Variants in MCUB observed in about 807,000 individuals in gnomAD.
MCUB encodes the protein mitochondrial calcium uniporter dominant negative subunit beta.
Under a neutral mutation model 41.4 loss-of-function variants are expected in MCUB, and 46 were observed. That is an observed-to-expected ratio of 1.11 (90% confidence interval 0.88 to 1.42). MCUB has a LOEUF of 1.42. MCUB is among the 40% of genes most tolerant of loss of function. The pLI is 0.00. For missense variants in MCUB, 403 were observed against 404.9 expected (o/e 1.00, Z 0.04); for synonymous variants, 148 against 148.2 (o/e 1.00, Z 0.01).
rs112503693 is a variant in MCUB, at chr4:109,668,950, C to T, written c.451+4556C>T. Among the ~76,000 whole-genome samples, 119 of 152,148 alleles carry T rather than the reference C, an allele frequency of 7.8e-4. 1 individual carries two copies. The South Asian group carries it at 0.01, about 13-fold the overall frequency. On this transcript the variant is annotated intron_variant, in intron 4 of 7. Coordinates refer to ENST00000394650, the MANE Select transcript of MCUB (RefSeq NM_017918.5). ...TAATCCTGATTTCTCCCTCATGCCC[C>T]TTGTCTCACGGCTGTCATTCATTTC...
intron 1 of MCUB, among the ~76,000 whole-genome samples, chr4:109,603,205 C>G (rs371321106): frequency 1.3e-5 from 2 of 152,196 alleles, no homozygotes; most frequent in South Asian, 2.1e-4. Context: ...GCCTGATTCT[C>G]CTGCCTCAGC....
intron 4 of MCUB, among the ~76,000 whole-genome samples, chr4:109,666,263 C>T (rs1729343910): frequency 6.6e-6 from 1 of 152,198 alleles, no homozygotes; most frequent in Non-Finnish European, 1.5e-5. Flanking sequence ...TATAAATACA[C>T]ATGCGCAGGC....
At chr4:109,682,934 C>G (rs553298161) in intron 5 of MCUB, 192 bp downstream of exon 5, 6 of 512,346 alleles carry the variant, frequency 1.2e-5, no homozygotes, top group Non-Finnish European at 2.1e-5. Context: ...AGAGCTGTAT[C>G]GCTAATACAT....
intron 1 of MCUB, among the ~76,000 whole-genome samples, chr4:109,646,510 A>G (rs1217546549): frequency 6.6e-6 from 1 of 152,182 alleles, no homozygotes; most frequent in African/African-American, 2.4e-5. Context: ...GCCCTCCTCT[A>G]GGCTGCCCTT....
chr4:109,634,519 T>TC (rs1464824210), intron 1 of MCUB, among the ~76,000 whole-genome samples: 1 of 149,712 alleles, frequency 6.7e-6, no homozygotes, highest in Non-Finnish European at 1.5e-5. Flanking sequence ...GTCTCCATGC[T>TC]CCGTTTTAGT....
chr4:109,581,954 C>T lies in MCUB; in HGVS notation c.99+21518C>T, dbSNP rs1334270139. Among the ~76,000 whole-genome samples the T allele has an allele frequency of 2.5e-3, 373 of 152,136 alleles. 1 individual carries two copies. The highest frequency in any genetic ancestry group is 6.4e-3 in the African/African-American group (266 of 41,514). On this transcript the variant is annotated intron_variant, in intron 1 of 7. Transcript: ENST00000394650. ...TGGGACTGTAAACTAGTTCAACCAT[C>T]GTGGAAGTCAGTGTGGCGATTCCTC...
At chr4:109,638,667 T>A (rs1265398190) in intron 1 of MCUB, among the ~76,000 whole-genome samples, 1 of 152,186 alleles carries the variant, frequency 6.6e-6, no homozygotes, top group Non-Finnish European at 1.5e-5. Context: ...TAGCATGTGA[T>A]ATTATTTGAT....
intron 1 of MCUB, among the ~76,000 whole-genome samples, chr4:109,647,703 C>CA (rs1472818126): frequency 6.6e-6 from 1 of 151,238 alleles, no homozygotes; most frequent in African/African-American, 2.5e-5. Context: ...ATGCAGGGAC[C>CA]ACATGGAGAT....
chr4:109,563,187 T>C (rs17585970), intron 1 of MCUB, among the ~76,000 whole-genome samples: 6,584 of 152,296 alleles, frequency 0.043, 185 homozygotes, highest in East Asian at 0.11. Flanking sequence ...TTAATTTGGA[T>C]TTTGTGCTAC....
intron 1 of MCUB, among the ~76,000 whole-genome samples, chr4:109,656,995 T>C (rs1729118704): frequency 6.6e-6 from 1 of 152,104 alleles, no homozygotes. Flanking sequence ...CGAGGCAGGC[T>C]GATCACAAGT....
chr4:109,584,646 C>G (rs1036578074), intron 1 of MCUB, among the ~76,000 whole-genome samples: 2 of 152,060 alleles, frequency 1.3e-5, no homozygotes, highest in African/African-American at 2.4e-5. Flanking sequence ...GATTCTGGTA[C>G]CTTGTGTCTT....
chr4:109,629,344 C>T (rs912964535), intron 1 of MCUB, among the ~76,000 whole-genome samples: 5 of 152,074 alleles, frequency 3.3e-5, no homozygotes, highest in Admixed American at 6.6e-5. Context: ...GGAATAAAAA[C>T]CAGTGTTTTT....
At chr4:109,604,794 G>T (rs144023642) in intron 1 of MCUB, among the ~76,000 whole-genome samples, 20 of 152,198 alleles carry the variant, frequency 1.3e-4, no homozygotes, top group Admixed American at 3.9e-4. Flanking sequence ...TCTTCATTCT[G>T]GTGATGTGAT....
chr4:109,566,930 G>T (rs1293714060), intron 1 of MCUB, among the ~76,000 whole-genome samples: 4 of 152,132 alleles, frequency 2.6e-5, no homozygotes, highest in Admixed American at 6.5e-5. Context: ...GACCAATATG[G>T]TGAAACCCCA....
intron 1 of MCUB, among the ~76,000 whole-genome samples, chr4:109,622,664 T>C (rs1459232776): frequency 1.3e-5 from 2 of 152,246 alleles, no homozygotes; most frequent in African/African-American, 2.4e-5. Context: ...GATTAAGTTA[T>C]ATATATGCCT....
intron 1 of MCUB, among the ~76,000 whole-genome samples, chr4:109,615,452 C>G (rs1348497249): frequency 6.7e-6 from 1 of 149,798 alleles, no homozygotes; most frequent in African/African-American, 2.5e-5. Flanking sequence ...AGCTCCCAGG[C>G]TGGAGTGCAG....
chr4:109,570,737 T>C (rs1441470935), intron 1 of MCUB, among the ~76,000 whole-genome samples: 1 of 152,212 alleles, frequency 6.6e-6, no homozygotes, highest in Non-Finnish European at 1.5e-5. Context: ...CAATACCGTA[T>C]ATGTATAGTG....
At chr4:109,609,031 T>G (rs934336089) in intron 1 of MCUB, among the ~76,000 whole-genome samples, 30 of 151,222 alleles carry the variant, frequency 2.0e-4, no homozygotes, top group African/African-American at 7.0e-4. Flanking sequence ...AGAGACTCTG[T>G]GTTATCTTCT....
intron 1 of MCUB, among the ~76,000 whole-genome samples, chr4:109,641,029 A>G (rs1184470695): frequency 6.6e-6 from 1 of 152,160 alleles, no homozygotes; most frequent in Non-Finnish European, 1.5e-5. Context: ...TAATATCAAT[A>G]TTGTCCTTAG....
Sources: gnomAD v4.1 joint callset for allele counts (sites outside exome capture counted in the v4.1 genomes callset) on GRCh38, gnomAD v4.1.1 for gene constraint, MANE v1.5 for transcripts, NCBI Gene and HGNC (gene_info 2026-07-23, HGNC 2026-07-21) for gene names.